The following TNFAIP8 variants were observed in gnomAD, a reference collection of about 807,000 sequenced individuals.
The protein encoded by TNFAIP8 is tumor necrosis factor alpha-induced protein 8.
TNFAIP8 carries 7 observed loss-of-function variants against 13.3 expected under a neutral mutation model. The ratio of observed to expected loss-of-function variants is 0.52; its 90% CI spans 0.30 to 0.99. TNFAIP8 has a LOEUF of 0.99. Ranked by LOEUF, TNFAIP8 falls within the 50% of genes least tolerant of loss-of-function variation. The probability of loss-of-function intolerance (pLI) is 0.07; values close to 1 mark genes in which losing one functional copy is unlikely to be tolerated. For synonymous variants in TNFAIP8, 94 were observed against 87.6 expected (o/e 1.07, Z -0.41); for missense variants, 258 against 236.9 (o/e 1.09, Z -0.58).
intron 1 of TNFAIP8, among the ~76,000 whole-genome samples, chr5:119,363,604 C>A (rs961963903): frequency 6.6e-6 from 1 of 152,198 alleles, no homozygotes; most frequent in Non-Finnish European, 1.5e-5. Context: ...AAATTTAATT[C>A]ATCTTAAAAA....
intron 1 of TNFAIP8, among the ~76,000 whole-genome samples, chr5:119,295,804 A>C (rs1371151715): frequency 2.0e-5 from 3 of 151,980 alleles, no homozygotes; most frequent in Admixed American, 1.3e-4. Flanking sequence ...CTTTTATTTC[A>C]TTTAGCAGTG....
In TNFAIP8 at chr5:119,329,910, T is replaced by C. The variant is rs373261168; in HGVS notation, c.1+61003T>C. On this transcript the variant is annotated intron_variant, in intron 1 of 1. Coordinates refer to the TNFAIP8 transcript ENST00000274456. ...AGTGAGTCTGACCATCCGCCGTCTC[T>C]GTTAGGCCATCTGGAAAACGCTTCT... Among the ~76,000 whole-genome samples the C allele has an allele frequency of 9.9e-5, 15 of 152,188 alleles. No homozygotes were observed. In the East Asian group the frequency reaches 2.7e-3, roughly 28 times the overall value.
rs375912391 is a variant in TNFAIP8, at chr5:119,369,913, G to A, written c.31+13792G>A. On this transcript the variant is annotated intron_variant, in intron 1 of 1. Transcript: ENST00000504771. The stretch of plus-strand genomic sequence containing the variant: ...GGACTTAACCAGGTTTGTCTAGGCC[G>A]ATGGAGGGCTCTAATGGGGTCACTT... 1.7e-3 allele frequency among the ~76,000 whole-genome samples: 258 copies of A among 152,308 alleles called. 11 individuals are homozygous for A. In the South Asian group the frequency reaches 0.05, roughly 30 times the overall value.
At chr5:119,288,571 T>C (rs570872331) in intron 1 of TNFAIP8, among the ~76,000 whole-genome samples, 2 of 152,350 alleles carry the variant, frequency 1.3e-5, no homozygotes, top group South Asian at 4.1e-4. Context: ...GCTCTTTATT[T>C]AGAAAAGCTG....
chr5:119,315,488 AC>A (rs1278759608), intron 1 of TNFAIP8, among the ~76,000 whole-genome samples: 1 of 152,192 alleles, frequency 6.6e-6, no homozygotes, highest in Non-Finnish European at 1.5e-5. Context: ...AAAACAACAG[AC>A]AATGTGTGTT....
chr5:119,298,971 C>T (rs565508081), intron 1 of TNFAIP8, among the ~76,000 whole-genome samples: 1 of 152,298 alleles, frequency 6.6e-6, no homozygotes, highest in East Asian at 1.9e-4. Flanking sequence ...CTCCTTTAAG[C>T]ACTTCTCTGT....
intron 1 of TNFAIP8, among the ~76,000 whole-genome samples, chr5:119,302,419 T>G (rs1749424657): frequency 6.6e-6 from 1 of 152,230 alleles, no homozygotes; most frequent in Non-Finnish European, 1.5e-5. Context: ...GAATCCCATT[T>G]TCTCCTCTGC....
intron 1 of TNFAIP8, chr5:119,391,309 C>T: frequency 1.4e-6 from 1 of 696,550 alleles, no homozygotes; most frequent in Non-Finnish European, 2.6e-6. Flanking sequence ...TTGTATGTAT[C>T]TGTATTTTTA....
intron 1 of TNFAIP8, among the ~76,000 whole-genome samples, chr5:119,300,294 C>G (rs115967481): frequency 1.2e-3 from 188 of 152,316 alleles, no homozygotes; most frequent in African/African-American, 4.4e-3. Flanking sequence ...TTGAGAAAAT[C>G]ATGGTAATCA....
At chr5:119,324,630 C>G (rs1404447275) in intron 1 of TNFAIP8, among the ~76,000 whole-genome samples, 1 of 152,096 alleles carries the variant, frequency 6.6e-6, no homozygotes. Flanking sequence ...GGGATATCCT[C>G]TCTGCTATGC....
intron 1 of TNFAIP8, among the ~76,000 whole-genome samples, chr5:119,361,148 C>T (rs1280663367): frequency 6.6e-6 from 1 of 152,256 alleles, no homozygotes; most frequent in Non-Finnish European, 1.5e-5. Context: ...GCCTCTCTTT[C>T]TCTGGAGCAC....
intron 1 of TNFAIP8, among the ~76,000 whole-genome samples, chr5:119,270,449 A>T (rs917626629): frequency 6.6e-6 from 1 of 152,198 alleles, no homozygotes; most frequent in African/African-American, 2.4e-5. Context: ...GTTTTTAGAG[A>T]CAGGGTCTTG....
upstream of TNFAIP8, among the ~76,000 whole-genome samples, chr5:119,351,608 G>C (rs1751146484): frequency 6.6e-6 from 1 of 152,176 alleles, no homozygotes; most frequent in South Asian, 2.1e-4. Flanking sequence ...GTTTTATCCT[G>C]ATGTAGCCCC....
At chr5:119,301,482 T>C (rs1581585643) in intron 1 of TNFAIP8, among the ~76,000 whole-genome samples, 1 of 152,088 alleles carries the variant, frequency 6.6e-6, no homozygotes, top group East Asian at 1.9e-4. Flanking sequence ...TTTCCCTGGG[T>C]TTTCATGACA....
chr5:119,349,528 C>G (rs1160368681), intron 1 of TNFAIP8, among the ~76,000 whole-genome samples: 1 of 152,224 alleles, frequency 6.6e-6, no homozygotes, highest in African/African-American at 2.4e-5. Flanking sequence ...GCTTGCTCCG[C>G]TGATGCGGGT....
chr5:119,318,380 C>T (rs1749959523), intron 1 of TNFAIP8, among the ~76,000 whole-genome samples: 1 of 152,174 alleles, frequency 6.6e-6, no homozygotes, highest in South Asian at 2.1e-4. Context: ...CCTTGACCTC[C>T]TGGGCTCCAG....
chr5:119,352,391 T>C (rs1562013497), upstream of TNFAIP8, among the ~76,000 whole-genome samples: 1 of 151,906 alleles, frequency 6.6e-6, no homozygotes, highest in Non-Finnish European at 1.5e-5. Flanking sequence ...CAAAGTGAAA[T>C]TGAAGGAAGC....
chr5:119,361,387 T>G (rs185900055), intron 1 of TNFAIP8, among the ~76,000 whole-genome samples: 40 of 152,354 alleles, frequency 2.6e-4, no homozygotes, highest in African/African-American at 9.1e-4. Context: ...AGTGCTGCCC[T>G]GGGAATCTGT....
At chr5:119,309,577 A>C (rs1292601962) in intron 1 of TNFAIP8, among the ~76,000 whole-genome samples, 2 of 152,154 alleles carry the variant, frequency 1.3e-5, no homozygotes, top group African/African-American at 4.8e-5. Context: ...AAAAGATAAC[A>C]ATAGAGGAAA....
Sources: allele counts gnomAD v4.1 joint callset (sites outside exome capture counted in the v4.1 genomes callset), GRCh38; gene constraint gnomAD v4.1.1; transcripts MANE v1.5; gene names NCBI Gene and HGNC (gene_info 2026-07-23, HGNC 2026-07-21).